The following AMOTL1 variants were observed in gnomAD, a reference collection of about 807,000 sequenced individuals.
AMOTL1 encodes angiomotin-like protein 1.
Under a neutral mutation model 102.9 loss-of-function variants are expected in AMOTL1, and 45 were observed. That is an observed-to-expected ratio of 0.44 (90% CI 0.34 to 0.56). The LOEUF (loss-of-function observed/expected upper bound fraction) is 0.56. AMOTL1 is among the 20% of genes least tolerant of loss of function. The pLI is 0.01. For missense variants in AMOTL1, 1,114 were observed against 1,225.6 expected, an observed-to-expected ratio of 0.91 and a Z score of 1.36; for synonymous variants, 481 against 484.7, an observed-to-expected ratio of 0.99 and a Z score of 0.10.
chr11:94,830,061 A>G lies in AMOTL1; in HGVS notation c.1425A>G (p.Glu475=), dbSNP rs1222297464. 6.3e-7 allele frequency: 1 copy of G among 1,595,396 alleles called. No homozygotes were observed. The highest frequency in any genetic ancestry group is 1.4e-5 in the African/African-American group (1 of 73,948). Residue 475 remains glutamate (E), a synonymous_variant, in exon 5 of 13, where the codon GAA becomes GAG. Coordinates refer to ENST00000433060, the MANE Select transcript of AMOTL1 (RefSeq NM_130847.3). ...NADKLHKFEK[E]LQRISEAYES... ...GTTCTTTCTTTTAGTTTGAAAAAGAACTTCAGAGAATTTCGGAAGCCTATG... is the reference window on the plus strand; with the variant it reads ...GTTCTTTCTTTTAGTTTGAAAAAGAGCTTCAGAGAATTTCGGAAGCCTATG...
intron 1 of AMOTL1, among the ~76,000 whole-genome samples, chr11:94,777,434 A>C (rs1440560352): frequency 6.6e-6 from 1 of 152,226 alleles, no homozygotes; most frequent in Non-Finnish European, 1.5e-5. Flanking sequence ...ATATTAGCTT[A>C]ACCCTGAGTT....
chr11:94,728,519 T>A (rs900000982), intron 1 of AMOTL1, among the ~76,000 whole-genome samples: 1 of 152,196 alleles, frequency 6.6e-6, no homozygotes, highest in Non-Finnish European at 1.5e-5. Flanking sequence ...TCTAATACAA[T>A]GAAAACTGCT....
rs1953027890 is a variant in AMOTL1, at chr11:94,872,902, T to C, written c.*2107T>C. The C allele has an allele frequency of 6.6e-6, 1 of 152,118 alleles. No individual in the cohort carries two copies. The highest frequency in any genetic ancestry group is 2.1e-4 in the South Asian group (1 of 4,814). 9.4% of individuals were successfully genotyped at this position (152,118 alleles called of 1,614,324 possible). A position where few individuals can be genotyped will look rare whatever the true frequency, so the allele number is the denominator to read the frequency against. On this transcript the variant is annotated 3_prime_UTR_variant, in exon 13 of 13. Transcript: ENST00000433060. Reference sequence around the variant, plus strand: ...TCCTAATCTCTGTTCCCACCACATTTCATAGGAGATGAGTTAGGAGATGAC... The same window carrying C: ...TCCTAATCTCTGTTCCCACCACATTCCATAGGAGATGAGTTAGGAGATGAC...
intron 3 of AMOTL1, among the ~76,000 whole-genome samples, chr11:94,743,672 T>TTTTG (rs1950556573): frequency 1.4e-5 from 2 of 145,306 alleles, no homozygotes; most frequent in African/African-American, 5.2e-5. Flanking sequence ...TTTTTTTTTT[T>TTTTG]TTTTGTGACG....
chr11:94,816,740 T>C (rs994730236), intron 3 of AMOTL1, among the ~76,000 whole-genome samples: 2 of 152,152 alleles, frequency 1.3e-5, no homozygotes, highest in African/African-American at 4.8e-5. Context: ...TCTTCAGTCT[T>C]AAACCCTGAC....
At chr11:94,794,398 C>T (rs1029966427) in intron 1 of AMOTL1, among the ~76,000 whole-genome samples, 1 of 152,186 alleles carries the variant, frequency 6.6e-6, no homozygotes, top group East Asian at 1.9e-4. Flanking sequence ...ACAGGAAGCA[C>T]ACTCCAGTTT....
intron 2 of AMOTL1, 78 bp downstream of exon 2, chr11:94,795,238 T>G: frequency 6.6e-7 from 1 of 1,519,952 alleles, no homozygotes; most frequent in Non-Finnish European, 9.0e-7. Context: ...TTTGCATAAT[T>G]CAGATGTTTA....
chr11:94,742,612 A>T (rs961658261), intron 3 of AMOTL1, among the ~76,000 whole-genome samples: 4 of 152,220 alleles, frequency 2.6e-5, no homozygotes, highest in African/African-American at 9.6e-5. Flanking sequence ...AAAATAAAAA[A>T]CAATGTTTTT....
At chr11:94,720,575 G>A (rs1298775931) in intron 1 of AMOTL1, among the ~76,000 whole-genome samples, 2 of 152,090 alleles carry the variant, frequency 1.3e-5, no homozygotes, top group African/African-American at 4.8e-5. Flanking sequence ...ACCCCTCCCT[G>A]AAGAAATCTG....
In AMOTL1 at chr11:94,863,301, A is replaced by G. The variant is rs550252622; in HGVS notation, c.2136-1434A>G. Among the ~76,000 whole-genome samples the G allele has an allele frequency of 1.6e-3, 235 of 151,264 alleles. 2 individuals are homozygous for G. The highest frequency in any genetic ancestry group is 5.5e-3 in the African/African-American group (227 of 41,014). On this transcript the variant is annotated intron_variant, in intron 9 of 12. Coordinates refer to ENST00000433060, the MANE Select transcript of AMOTL1 (RefSeq NM_130847.3). Reference sequence around the variant, plus strand: ...CTGTAAAAAAAAAAAAAAAAGCTTTAAAGTTTTCAGGCGGGGCGCGGTGGC... The same window carrying G: ...CTGTAAAAAAAAAAAAAAAAGCTTTGAAGTTTTCAGGCGGGGCGCGGTGGC...
intron 2 of AMOTL1, among the ~76,000 whole-genome samples, chr11:94,735,224 T>C (rs927971296): frequency 3.3e-5 from 5 of 152,176 alleles, no homozygotes; most frequent in African/African-American, 1.2e-4. Context: ...TTGATGGCAT[T>C]CCCAGACTGC....
At chr11:94,774,082 A>G (rs1264353939) in intron 1 of AMOTL1, among the ~76,000 whole-genome samples, 2 of 152,228 alleles carry the variant, frequency 1.3e-5, no homozygotes, top group African/African-American at 2.4e-5. Flanking sequence ...AAAGCATTCA[A>G]TAAATACCTG....
intron 1 of AMOTL1, among the ~76,000 whole-genome samples, chr11:94,789,115 C>T (rs1489579592): frequency 6.6e-6 from 1 of 152,050 alleles, no homozygotes; most frequent in Non-Finnish European, 1.5e-5. Context: ...CCAGGGAGTG[C>T]TTTTAGTTTA....
intron 2 of AMOTL1, among the ~76,000 whole-genome samples, chr11:94,730,758 G>A (rs1447368456): frequency 6.6e-6 from 1 of 152,106 alleles, no homozygotes; most frequent in Non-Finnish European, 1.5e-5. Flanking sequence ...TTGGCTGTGG[G>A]AACCTATCTG....
chr11:94,732,170 T>C (rs1006515050), intron 2 of AMOTL1, among the ~76,000 whole-genome samples: 1 of 152,116 alleles, frequency 6.6e-6, no homozygotes, highest in Non-Finnish European at 1.5e-5. Flanking sequence ...TCTAGTGGAG[T>C]ACCAGAGAAA....
chr11:94,860,262 G>A (rs1430610518), intron 9 of AMOTL1, among the ~76,000 whole-genome samples: 1 of 152,212 alleles, frequency 6.6e-6, no homozygotes, highest in Non-Finnish European at 1.5e-5. Context: ...GAGGCTTAGA[G>A]AGGTACAGTG....
intron 3 of AMOTL1, among the ~76,000 whole-genome samples, chr11:94,800,668 A>G (rs923937294): frequency 2.6e-5 from 4 of 152,206 alleles, no homozygotes; most frequent in Admixed American, 6.5e-5. Flanking sequence ...AGAGGGTTTT[A>G]TAGTCTTTTT....
chr11:94,706,468 T>A (rs535579511), exon 1 of AMOTL1: 5 of 152,354 alleles, frequency 3.3e-5, no homozygotes, highest in African/African-American at 1.2e-4. Context: ...TTGCTCTTTT[T>A]AAACTCCACG....
chr11:94,848,171 G>T (rs1952457251), intron 6 of AMOTL1, among the ~76,000 whole-genome samples: 1 of 152,210 alleles, frequency 6.6e-6, no homozygotes, highest in South Asian at 2.1e-4. Context: ...GATCCCTTCA[G>T]GGCTGTGGAT....
Sources: gnomAD v4.1 joint callset for allele counts (sites outside exome capture counted in the v4.1 genomes callset) on GRCh38, gnomAD v4.1.1 for gene constraint, MANE v1.5 for transcripts, NCBI Gene and HGNC (gene_info 2026-07-23, HGNC 2026-07-21) for gene names.